Variants in ZMYM5 observed in about 807,000 individuals in gnomAD.
ZMYM5 encodes zinc finger MYM-type protein 5.
ZMYM5 carries 41 observed loss-of-function variants against 61.8 expected under a neutral mutation model. The ratio of observed to expected loss-of-function variants is 0.66; its 90% CI spans 0.52 to 0.86. ZMYM5 has a LOEUF of 0.86. Among genes scored for constraint, ZMYM5 ranks in the 40% least tolerant of loss-of-function variants. The pLI is 0.00. For synonymous variants in ZMYM5, 257 were observed against 276.4 expected, an observed-to-expected ratio of 0.93 and a Z score of 0.70; for missense variants, 706 against 786.7, an observed-to-expected ratio of 0.90 and a Z score of 1.23.
intron 7 of ZMYM5, among the ~76,000 whole-genome samples, chr13:19,834,052 C>T (rs1952599680): frequency 6.6e-6 from 1 of 152,252 alleles, no homozygotes. Flanking sequence ...TCTCCGCTCA[C>T]TGCAACCTCC....
intron 4 of ZMYM5, among the ~76,000 whole-genome samples, chr13:19,839,620 C>T (rs751791724): frequency 6.6e-6 from 1 of 152,124 alleles, no homozygotes; most frequent in Non-Finnish European, 1.5e-5. Context: ...AAGTAATCCA[C>T]CTGCCTCAGC....
rs1353926705 is a variant in ZMYM5 at position 19,837,766 on chromosome 13, A to C, written c.928T>G (p.Phe310Val). 1 of 1,590,406 alleles carries C rather than the reference A, an allele frequency of 6.3e-7. No individual in the cohort carries two copies. Among genetic ancestry groups the C allele is most frequent in the African/African-American group, 1.4e-5 (1 of 73,196 alleles). ...VILPVESSKS[F>V]QEFYSTSCLS... ...CAAGATGTACTATAAAATTCTTGGA[A>C]GGATTTGCTTGATTCTACTGGAAGA... is the stretch of plus-strand genomic sequence containing the variant. Residue 310 changes from phenylalanine (F) to valine (V), a missense_variant, in exon 6 of 8, where the codon TTC becomes GTC. Phe to Val is a conservative substitution (Grantham distance 50, BLOSUM62 -1). Transcript: ENST00000337963.
At chr13:19,835,388 T>G in intron 7 of ZMYM5, 89 bp downstream of exon 7, 397 of 896,258 alleles carry the variant, frequency 4.4e-4, no homozygotes, top group Non-Finnish European at 5.7e-4. Flanking sequence ...TGGAATTAAA[T>G]GAGATTCTAA....
chr13:19,862,657 A>C (rs1953814247), intron 1 of ZMYM5, among the ~76,000 whole-genome samples, 191 bp from the exon 2 acceptor site: 1 of 152,154 alleles, frequency 6.6e-6, no homozygotes. Flanking sequence ...AGACAAAGCT[A>C]AAAGTGCTTC....
intron 4 of ZMYM5, among the ~76,000 whole-genome samples, chr13:19,844,741 T>A (rs1056634162): frequency 1.3e-5 from 2 of 152,096 alleles, no homozygotes; most frequent in African/African-American, 4.8e-5. Context: ...CCTGCTTCAG[T>A]CTCCTGAGCA....
intron 2 of ZMYM5, among the ~76,000 whole-genome samples, chr13:19,861,646 G>C (rs573604747): frequency 6.6e-6 from 1 of 152,128 alleles, no homozygotes; most frequent in Non-Finnish European, 1.5e-5. Context: ...TGTTTGATCA[G>C]GGTTGAAAGG....
chr13:19,841,242 G>A (rs572238125), intron 4 of ZMYM5, among the ~76,000 whole-genome samples: 9 of 152,130 alleles, frequency 5.9e-5, no homozygotes, highest in Admixed American at 1.3e-4. Context: ...GATTACAGGC[G>A]TGAGCCACTG....
chr13:19,832,535 C>A (rs1172264188), intron 7 of ZMYM5, among the ~76,000 whole-genome samples: 3 of 152,056 alleles, frequency 2.0e-5, no homozygotes, highest in African/African-American at 7.3e-5. Flanking sequence ...CTATGTTGGC[C>A]AGGCTGGTCT....
chr13:19,851,641 C>T (rs1356150429), intron 3 of ZMYM5, 48 bp downstream of exon 3: 2 of 1,548,662 alleles, frequency 1.3e-6, no homozygotes, highest in Non-Finnish European at 1.7e-6. Flanking sequence ...TAATGTATTT[C>T]AGAGTCAATT....
chr13:19,851,085 T>C (rs539357357), intron 4 of ZMYM5, among the ~76,000 whole-genome samples: 1 of 152,072 alleles, frequency 6.6e-6, no homozygotes, highest in Admixed American at 6.6e-5. Context: ...GGCAGGCGCC[T>C]GTAATCCCAT....
intron 4 of ZMYM5, among the ~76,000 whole-genome samples, chr13:19,839,697 T>C (rs1161123781): frequency 6.6e-6 from 1 of 152,176 alleles, no homozygotes; most frequent in African/African-American, 2.4e-5. Flanking sequence ...TTCTGTCTAC[T>C]CATACCACTA....
rs561049299 is a variant in ZMYM5, at chr13:19,833,004, G to A, written c.1251+2473C>T. Among the ~76,000 whole-genome samples, 38 of 152,026 alleles carry A rather than the reference G, an allele frequency of 2.5e-4. No individual in the cohort carries two copies. In the South Asian group the frequency reaches 7.7e-3, roughly 31 times the overall value. On this transcript the variant is annotated intron_variant, in intron 7 of 7. Transcript: ENST00000337963. ...CCATCTTGGCCTCCCAAAGTGCTAG[G>A]ATTACAGGCACGTACCACCGTGCCT...
chr13:19,831,787 CAAAAAAAAAAAAA>C lies in ZMYM5; in HGVS notation c.1251+3677_1251+3689del, dbSNP rs1190448216. Among the ~76,000 whole-genome samples, 2 of 36,682 alleles carry C rather than the reference CAAAAAAAAAAAAA, an allele frequency of 5.5e-5. 1 individual carries two copies. Among genetic ancestry groups the C allele is most frequent in the Non-Finnish European group, 8.3e-5 (2 of 24,140 alleles). The allele number at this position is 36,682 out of a possible 152,430, so 24.1% of individuals were successfully genotyped here. On this transcript the variant is annotated intron_variant, in intron 7 of 7. Transcript: ENST00000337963. ...TGGGTGACAGAGAGAGACTCTGTCTCAAAAAAAAAAAAAAAAAAAAAAAAAAACCATATGTATA... is the reference window on the plus strand; with the variant it reads ...TGGGTGACAGAGAGAGACTCTGTCTCAAAAAAAAAAAAAACCATATGTATA...
Position 19,851,811 on chromosome 13 carries a change from C to T in ZMYM5, c.370G>A (p.Asp124Asn), listed in dbSNP as rs775675624. ...SETIVIDDEEDIETNGGAEKK... is the reference protein window; with the variant it reads ...SETIVIDDEENIETNGGAEKK... ...TCTGCTCCTCCATTTGTTTCTATGT[C>T]CTCTTCATCATCAATAACAATTGTC... The change falls in exon 3 of 8, where the codon GAC (aspartate) becomes AAC (asparagine). Residue 124 changes from aspartate to asparagine, a missense_variant. Asp to Asn is a conservative substitution (Grantham distance 23). Transcript: ENST00000337963. 3 of 1,612,878 alleles carry T rather than the reference C, an allele frequency of 1.9e-6. No individual in the cohort carries two copies. Among genetic ancestry groups the T allele is most frequent in the Admixed American group, 3.3e-5 (2 of 59,744 alleles).
intron 4 of ZMYM5, among the ~76,000 whole-genome samples, chr13:19,839,741 G>A (rs1270358822): frequency 1.3e-5 from 2 of 152,132 alleles, no homozygotes; most frequent in Non-Finnish European, 2.9e-5. Context: ...TGTATTTCAA[G>A]TAAATTGTAG....
At chr13:19,846,347 T>C (rs181087658) in intron 4 of ZMYM5, among the ~76,000 whole-genome samples, 1 of 152,294 alleles carries the variant, frequency 6.6e-6, no homozygotes, top group East Asian at 1.9e-4. Flanking sequence ...CCATTTTTCA[T>C]GGAATACCAT....
chr13:19,837,108 T>C (rs1206932175), intron 6 of ZMYM5, among the ~76,000 whole-genome samples: 1 of 151,748 alleles, frequency 6.6e-6, no homozygotes, highest in Non-Finnish European at 1.5e-5. Context: ...CTCAGCTCAC[T>C]GCAGCCTCCG....
intron 1 of ZMYM5, among the ~76,000 whole-genome samples, chr13:19,862,876 A>C (rs775465332): frequency 3.9e-5 from 6 of 152,198 alleles, no homozygotes; most frequent in Non-Finnish European, 7.4e-5. Context: ...CAGTTGCCTC[A>C]AGAAGTTGCC....
At chr13:19,853,821 A>G (rs907278295) in intron 2 of ZMYM5, among the ~76,000 whole-genome samples, 3 of 151,900 alleles carry the variant, frequency 2.0e-5, no homozygotes, top group Non-Finnish European at 4.4e-5. Context: ...AGCTCAGATG[A>G]TCCGCCTGCC....
Sources: gnomAD v4.1 joint callset for allele counts (sites outside exome capture counted in the v4.1 genomes callset) on GRCh38, gnomAD v4.1.1 for gene constraint, MANE v1.5 for transcripts, NCBI Gene and HGNC (gene_info 2026-07-23, HGNC 2026-07-21) for gene names.